Variants in MAPKAP1 observed in about 807,000 individuals in gnomAD.
MAPKAP1 encodes the protein MAPK associated protein 1.
MAPKAP1 carries 20 observed loss-of-function variants against 65.7 expected under a neutral mutation model. That is an observed-to-expected ratio of 0.30 (90% CI 0.21 to 0.44). The LOEUF (loss-of-function observed/expected upper bound fraction) is 0.44, where lower values mean the gene tolerates loss of function less well. Among genes scored for constraint, MAPKAP1 ranks in the 20% least tolerant of loss-of-function variants. The pLI is 1.00. For missense variants in MAPKAP1, 423 were observed against 648.0 expected (o/e 0.65, Z 3.77); for synonymous variants, 222 against 244.3 (o/e 0.91, Z 0.85).
rs571611790 is a variant in MAPKAP1 at position 125,441,021 on chromosome 9, A to T, written c.1444-2009T>A. Among the ~76,000 whole-genome samples, 80 of 152,342 alleles carry T rather than the reference A, an allele frequency of 5.3e-4. 2 individuals are homozygous for T. In the South Asian group the frequency reaches 0.017, roughly 32 times the overall value. On this transcript the variant is annotated intron_variant, in intron 11 of 11. Coordinates refer to ENST00000265960, the MANE Select transcript of MAPKAP1 (RefSeq NM_001006617.3). ...CATAGATAATGTTAATGGAAGATTA[A>T]TGTAATAATCAAAAGATAAAAACGC...
intron 5 of MAPKAP1, among the ~76,000 whole-genome samples, chr9:125,585,003 C>T (rs1326645373): frequency 6.6e-6 from 1 of 152,118 alleles, no homozygotes; most frequent in Non-Finnish European, 1.5e-5. Flanking sequence ...AACTAAAATT[C>T]GGACCAAAGG....
intron 7 of MAPKAP1, 27 bp from the exon 8 acceptor site, chr9:125,506,444 G>C (rs1250773929): frequency 4.4e-6 from 7 of 1,584,536 alleles, no homozygotes; most frequent in East Asian, 2.2e-5. Flanking sequence ...GCAGGAGGAG[G>C]GGAGGAAGTC....
At chr9:125,593,261 G>T (rs1564573571) in intron 4 of MAPKAP1, among the ~76,000 whole-genome samples, 2 of 152,098 alleles carry the variant, frequency 1.3e-5, no homozygotes, top group African/African-American at 4.8e-5. Context: ...CCAAGATCAT[G>T]CCACTGCACT....
chr9:125,648,186 A>G lies in MAPKAP1; in HGVS notation c.498+9465T>C, dbSNP rs1357471474. Among the ~76,000 whole-genome samples, 9 of 152,226 alleles carry G rather than the reference A, an allele frequency of 5.9e-5. 1 individual carries two copies. Among genetic ancestry groups the G allele is most frequent in the Admixed American group, 5.9e-4 (9 of 15,284 alleles). ...GGAATAGGAGAAAAAGGAGCTGAAT[A>G]CCAGCTCTGCCACACACTAGTGGGG... On this transcript the variant is annotated intron_variant, in intron 4 of 11. Transcript: ENST00000265960.
intron 1 of MAPKAP1, among the ~76,000 whole-genome samples, chr9:125,698,341 T>TAAAAG (rs1835494075): frequency 8.2e-6 from 1 of 121,582 alleles, no homozygotes; most frequent in Non-Finnish European, 1.7e-5. Flanking sequence ...ATATATAAAA[T>TAAAAG]ATATATATTT....
Position 125,438,145 on chromosome 9 carries a change from C to A in MAPKAP1, c.*742G>T, listed in dbSNP as rs181835237. The A allele has an allele frequency of 3.4e-5, 13 of 387,446 alleles. No individual in the cohort carries two copies. Among genetic ancestry groups the A allele is most frequent in the Non-Finnish European group, 9.1e-6 (2 of 219,560 alleles). 24.0% of individuals were successfully genotyped at this position (387,446 alleles called of 1,614,324 possible). On this transcript the variant is annotated 3_prime_UTR_variant, in exon 12 of 12. Transcript: ENST00000265960. ...TGCAGCGTGCCTGAGGACCAGCCACCGCCCCTCCTCCTGGCACCCCACACT... is the reference window on the plus strand; with the variant it reads ...TGCAGCGTGCCTGAGGACCAGCCACAGCCCCTCCTCCTGGCACCCCACACT...
intron 8 of MAPKAP1, among the ~76,000 whole-genome samples, chr9:125,491,656 C>T (rs557873677): frequency 2.0e-5 from 3 of 151,014 alleles, no homozygotes; most frequent in East Asian, 2.0e-4. Context: ...TGGTGTGCTC[C>T]GATAGGCCCA....
chr9:125,611,921 T>G (rs973749934), intron 4 of MAPKAP1, among the ~76,000 whole-genome samples: 1 of 152,082 alleles, frequency 6.6e-6, no homozygotes, highest in Non-Finnish European at 1.5e-5. Flanking sequence ...GTAAAGAAAA[T>G]TTTAACAGAT....
intron 1 of MAPKAP1, among the ~76,000 whole-genome samples, chr9:125,684,843 G>A (rs188371197): frequency 3.9e-5 from 6 of 152,028 alleles, no homozygotes; most frequent in East Asian, 3.9e-4. Context: ...TACCACACCC[G>A]GCTAATTTTT....
At chr9:125,611,245 G>T (rs1340360705) in intron 4 of MAPKAP1, among the ~76,000 whole-genome samples, 7 of 152,130 alleles carry the variant, frequency 4.6e-5, no homozygotes, top group African/African-American at 1.7e-4. Flanking sequence ...TTACCAAGCA[G>T]ATTTTTACAA....
chr9:125,452,893 A>AAAAC (rs577959444), intron 10 of MAPKAP1, among the ~76,000 whole-genome samples: 1 of 152,160 alleles, frequency 6.6e-6, no homozygotes. Context: ...CTCTGTCTCA[A>AAAAC]AAACAAACAA....
chr9:125,693,648 C>T (rs1835260560), intron 1 of MAPKAP1, among the ~76,000 whole-genome samples: 1 of 149,838 alleles, frequency 6.7e-6, no homozygotes, highest in Non-Finnish European at 1.5e-5. Flanking sequence ...CACACATATA[C>T]ACGTATACAT....
At chr9:125,539,739 T>C (rs921213340) in intron 7 of MAPKAP1, among the ~76,000 whole-genome samples, 21 of 152,206 alleles carry the variant, frequency 1.4e-4, no homozygotes, top group African/African-American at 5.1e-4. Context: ...ACTGTTAACA[T>C]GAGTAAAGAG....
intron 10 of MAPKAP1, among the ~76,000 whole-genome samples, chr9:125,454,308 A>T (rs1853079045): frequency 6.6e-6 from 1 of 152,242 alleles, no homozygotes; most frequent in Non-Finnish European, 1.5e-5. Context: ...TAGATAAGAA[A>T]CAAGTTCTGC....
chr9:125,442,830 T>C (rs1852547432), intron 11 of MAPKAP1, among the ~76,000 whole-genome samples: 1 of 152,240 alleles, frequency 6.6e-6, no homozygotes, highest in Non-Finnish European at 1.5e-5. Flanking sequence ...CTACTCCTTT[T>C]GAAAATCTTT....
At chr9:125,540,464 T>G (rs777113834) in intron 7 of MAPKAP1, among the ~76,000 whole-genome samples, 22 of 152,254 alleles carry the variant, frequency 1.4e-4, no homozygotes, top group Non-Finnish European at 2.9e-4. Context: ...AACTAACCTC[T>G]GTGATAACTA....
intron 6 of MAPKAP1, among the ~76,000 whole-genome samples, chr9:125,551,574 CAT>C (rs969817055): frequency 6.6e-6 from 1 of 151,678 alleles, no homozygotes; most frequent in East Asian, 1.9e-4. Context: ...AAGGAAAATA[CAT>C]ATATATATAG....
At chr9:125,592,676 G>C (rs750200860) in intron 4 of MAPKAP1, among the ~76,000 whole-genome samples, 18 of 151,992 alleles carry the variant, frequency 1.2e-4, no homozygotes, top group Non-Finnish European at 1.8e-4. Flanking sequence ...AGGCCGAGGC[G>C]GGCAGATCAC....
chr9:125,466,713 G>A (rs1036079256), intron 10 of MAPKAP1, among the ~76,000 whole-genome samples: 9 of 152,142 alleles, frequency 5.9e-5, no homozygotes, highest in Admixed American at 2.0e-4. Context: ...CGGAGGCCTC[G>A]CTGGGATGAC....
Sources: allele counts gnomAD v4.1 joint callset (sites outside exome capture counted in the v4.1 genomes callset), GRCh38; gene constraint gnomAD v4.1.1; transcripts MANE v1.5; gene names NCBI Gene and HGNC (gene_info 2026-07-23, HGNC 2026-07-21).